CDK2AP1: variants seen among roughly 807,000 people sequenced by gnomAD.
CDK2AP1 encodes cyclin dependent kinase 2 associated protein 1, also known as cyclin-dependent kinase 2-associated protein 1.
Under a neutral mutation model 14.1 loss-of-function variants are expected in CDK2AP1, and 10 were observed. That is an observed-to-expected ratio of 0.71 (90% confidence interval 0.44 to 1.20). The LOEUF is 1.20. Among genes scored for constraint, CDK2AP1 ranks in the 50% most tolerant of loss-of-function variants. The probability of loss-of-function intolerance (pLI) is 0.00; values close to 1 mark genes in which losing one functional copy is unlikely to be tolerated. For synonymous variants in CDK2AP1, 59 were observed against 59.8 expected, an observed-to-expected ratio of 0.99 and a Z score of 0.06; for missense variants, 102 against 149.9, an observed-to-expected ratio of 0.68 and a Z score of 1.67.
chr12:123,267,508 A>G (rs1202747414), intron 1 of CDK2AP1: 8 of 488,660 alleles, frequency 1.6e-5, no homozygotes, highest in Non-Finnish European at 3.0e-5. Flanking sequence ...TGGTCCTCAC[A>G]GAGCTCCATC....
At position 123,271,681 on chromosome 12, in the gene CDK2AP1, G is replaced by T; in HGVS notation, c.-63C>A. On this transcript the variant is annotated 5_prime_UTR_variant, in exon 1 of 4. Coordinates refer to ENST00000261692, the MANE Select transcript of CDK2AP1 (RefSeq NM_004642.4). ...AGGCCGCGAGGGCGGCGGCGGCGGCGGCGAGGCCGGGCGGTAGCGCTGCAG... is the reference window on the plus strand; with the variant it reads ...AGGCCGCGAGGGCGGCGGCGGCGGCTGCGAGGCCGGGCGGTAGCGCTGCAG... 1.6e-6 allele frequency: 1 copy of T among 627,508 alleles called. No homozygotes were observed. The highest frequency in any genetic ancestry group is 2.0e-6 in the Non-Finnish European group (1 of 505,946). 38.9% of individuals were successfully genotyped at this position (627,508 alleles called of 1,614,324 possible).
intron 2 of CDK2AP1, among the ~76,000 whole-genome samples, chr12:123,266,918 G>A (rs1271038381): frequency 2.6e-5 from 4 of 152,226 alleles, no homozygotes; most frequent in Non-Finnish European, 5.9e-5. Context: ...AGGAACGCGT[G>A]GGGTGGGAGC....
intron 3 of CDK2AP1, among the ~76,000 whole-genome samples, chr12:123,263,826 C>T (rs1376904760): frequency 6.6e-6 from 1 of 152,026 alleles, no homozygotes; most frequent in African/African-American, 2.4e-5. Context: ...TCTCCCAGGC[C>T]GGGCACGGTG....
intron 3 of CDK2AP1, among the ~76,000 whole-genome samples, chr12:123,264,493 A>G (rs1393170140): frequency 4.5e-5 from 6 of 132,430 alleles, no homozygotes; most frequent in Non-Finnish European, 8.4e-5. Context: ...AAAAAAAAAG[A>G]GCCCCAAGTC....
chr12:123,268,565 T>A (rs1359779885), intron 1 of CDK2AP1, among the ~76,000 whole-genome samples: 1 of 152,232 alleles, frequency 6.6e-6, no homozygotes, highest in African/African-American at 2.4e-5. Flanking sequence ...ATGCTGCCAC[T>A]GCAGCCCAGG....
At chr12:123,267,102 C>T (rs1187626976) in intron 2 of CDK2AP1, 83 bp downstream of exon 2, 2 of 881,326 alleles carry the variant, frequency 2.3e-6, no homozygotes, top group Non-Finnish European at 3.9e-6. Flanking sequence ...TCCTTCGTCT[C>T]TTCCACCAAC....
Position 123,261,630 on chromosome 12 carries a change from G to C in CDK2AP1, c.*106C>G, listed in dbSNP as rs889888727. On this transcript the variant is annotated 3_prime_UTR_variant, in exon 4 of 4. Transcript: ENST00000261692. ...CCAAGTGAACCATGGGAGGAAAAAC[G>C]AAACTGTAACCATTTTGAAAACAAG... 1 of 935,792 alleles carries C rather than the reference G, an allele frequency of 1.1e-6. No homozygotes were observed. Among genetic ancestry groups the C allele is most frequent in the South Asian group, 1.4e-5 (1 of 71,064 alleles). 58.0% of individuals were successfully genotyped at this position (935,792 alleles called of 1,614,324 possible).
chr12:123,261,862 A>C lies in CDK2AP1; in HGVS notation c.281-59T>G. Reference sequence around the variant, plus strand: ...TGCACAGGACCAGCCAGCAAAGCCCATTCTGAAACAGCAAGAGGATCCATC... The same window carrying C: ...TGCACAGGACCAGCCAGCAAAGCCCCTTCTGAAACAGCAAGAGGATCCATC... On this transcript the variant is annotated intron_variant, in intron 3 of 3. Transcript: ENST00000261692. 3.5e-6 allele frequency: 4 copies of C among 1,131,492 alleles called. No individual in the cohort carries two copies. The South Asian group carries it at 4.9e-5, about 14-fold the overall frequency. 70.1% of individuals were successfully genotyped at this position (1,131,492 alleles called of 1,614,324 possible).
At chr12:123,263,210 C>CAAA (rs1322793114) in intron 3 of CDK2AP1, among the ~76,000 whole-genome samples, 5 of 72,064 alleles carry the variant, frequency 6.9e-5, no homozygotes, top group Non-Finnish European at 8.5e-5. Flanking sequence ...GACTCTGTCT[C>CAAA]AAAAAAAAAA....
intron 1 of CDK2AP1, among the ~76,000 whole-genome samples, chr12:123,268,485 C>A (rs944676670): frequency 1.3e-5 from 2 of 152,262 alleles, no homozygotes; most frequent in African/African-American, 2.4e-5. Flanking sequence ...CCAGCTACCC[C>A]GGCACCTGCC....
intron 1 of CDK2AP1, chr12:123,270,159 G>A (rs1010577285): frequency 4.2e-6 from 4 of 961,950 alleles, no homozygotes; most frequent in African/African-American, 1.8e-5. Flanking sequence ...AGAGGAAGAA[G>A]GCTGCTGGCA....
chr12:123,261,660 T>G lies in CDK2AP1; in HGVS notation c.*76A>C. Reference sequence around the variant, plus strand: ...TGTAACCATTTTGAAAACAAGGGTTTCATCTGAACAGGGGAGATGAACTGT... The same window carrying G: ...TGTAACCATTTTGAAAACAAGGGTTGCATCTGAACAGGGGAGATGAACTGT... On this transcript the variant is annotated 3_prime_UTR_variant, in exon 4 of 4. Transcript: ENST00000261692. 1 of 1,219,306 alleles carries G rather than the reference T, an allele frequency of 8.2e-7. No individual in the cohort carries two copies. Among genetic ancestry groups the G allele is most frequent in the Non-Finnish European group, 1.2e-6 (1 of 823,732 alleles). 75.5% of individuals were successfully genotyped at this position (1,219,306 alleles called of 1,614,324 possible).
intron 3 of CDK2AP1, among the ~76,000 whole-genome samples, chr12:123,263,233 A>T (rs2048252510): frequency 6.6e-6 from 1 of 151,640 alleles, no homozygotes; most frequent in Admixed American, 6.6e-5. Flanking sequence ...AAAACAAAAA[A>T]AAACCACTAT....
chr12:123,268,261 G>A (rs1337878912), intron 1 of CDK2AP1: 3 of 985,194 alleles, frequency 3.0e-6, no homozygotes, highest in Non-Finnish European at 3.6e-6. Context: ...TTGGCCTCGG[G>A]GACAGACAGC....
intron 1 of CDK2AP1, chr12:123,268,362 G>C: frequency 2.8e-6 from 1 of 354,900 alleles, no homozygotes; most frequent in Non-Finnish European, 3.9e-6. Flanking sequence ...CCTCAAGCTG[G>C]GGGAGCCGGG....
intron 3 of CDK2AP1, among the ~76,000 whole-genome samples, chr12:123,264,051 G>A (rs537713269): frequency 6.6e-6 from 1 of 151,786 alleles, no homozygotes; most frequent in East Asian, 1.9e-4. Context: ...GGAGGTTGCA[G>A]TGGGCCGAGA....
At position 123,267,280 on chromosome 12, in the gene CDK2AP1, CA is replaced by C. The variant is rs761073337; in HGVS notation, c.57del (p.Ser21ValfsTer27). The C allele has an allele frequency of 1.2e-6, 2 of 1,605,392 alleles. No homozygotes were observed. The highest frequency in any genetic ancestry group is 1.7e-6 in the Non-Finnish European group (2 of 1,172,414). ...CTGGTGGAAGGCGAGTGGACACTCC[CA>C]GCTGTGGGGTGGGGAGAGAGAGGCC... ...AHMPAAALNA[A>X]GSVHSPSTSM... On this transcript the variant is annotated frameshift_variant and splice_region_variant, in exon 2 of 4. Transcript: ENST00000261692. LOFTEE classifies it high-confidence loss of function.
chr12:123,266,326 CT>C (rs2048292798), intron 2 of CDK2AP1, among the ~76,000 whole-genome samples: 1 of 152,270 alleles, frequency 6.6e-6, no homozygotes, highest in Non-Finnish European at 1.5e-5. Context: ...CCGGCTGCCC[CT>C]CTGCCTGGCC....
At chr12:123,268,757 A>G (rs2048324413) in intron 1 of CDK2AP1, among the ~76,000 whole-genome samples, 1 of 152,154 alleles carries the variant, frequency 6.6e-6, no homozygotes, top group Admixed American at 6.5e-5. Flanking sequence ...CACAACGCCC[A>G]CGATATCTGG....
Sources: gnomAD v4.1 joint callset for allele counts (sites outside exome capture counted in the v4.1 genomes callset) on GRCh38, gnomAD v4.1.1 for gene constraint, MANE v1.5 for transcripts, NCBI Gene and HGNC (gene_info 2026-07-23, HGNC 2026-07-21) for gene names.